CALD1: variants seen among roughly 807,000 people sequenced by gnomAD.
CALD1 encodes the protein caldesmon.
Under a neutral mutation model 99.9 loss-of-function variants are expected in CALD1, and 33 were observed. The observed-to-expected ratio is 0.33, with a 90% CI of 0.25 to 0.44. The LOEUF is 0.44. CALD1 is among the 20% of genes least tolerant of loss of function. The pLI, the probability that CALD1 is intolerant of heterozygous loss-of-function variation, is 1.00. For missense variants in CALD1, 861 were observed against 962.1 expected (o/e 0.89, Z 1.39); for synonymous variants, 310 against 325.0 (o/e 0.95, Z 0.50).
intron 1 of CALD1, among the ~76,000 whole-genome samples, chr7:134,781,876 A>G (rs1225058455): frequency 6.6e-6 from 1 of 152,264 alleles, no homozygotes; most frequent in Non-Finnish European, 1.5e-5. Context: ...ATTTTAAATG[A>G]GATACATGAA....
chr7:134,763,773 C>T (rs1796799318), intron 1 of CALD1, among the ~76,000 whole-genome samples: 1 of 151,966 alleles, frequency 6.6e-6, no homozygotes, highest in South Asian at 2.1e-4. Context: ...CAAAAATTAG[C>T]TGGATGTGGT....
At position 134,950,416 on chromosome 7, in the gene CALD1, G is replaced by T. The variant is rs1807243655; in HGVS notation, c.1837G>T (p.Ala613Ser). Residue 613 changes from alanine (A) to serine (S), a missense_variant, in exon 9 of 15, where the codon GCA becomes TCA. Physicochemically the swap from Ala to Ser is moderately conservative, Grantham distance 99 (BLOSUM62 1). Transcript: ENST00000361675. ...RLKEEIERRRAEAAEKRQKMP... is the reference protein window; with the variant it reads ...RLKEEIERRRSEAAEKRQKMP... ...AAAGGAAGAGATTGAAAGGCGAAGAGCAGAAGCTGCTGAGAAACGCCAGAA... is the reference window on the plus strand; with the variant it reads ...AAAGGAAGAGATTGAAAGGCGAAGATCAGAAGCTGCTGAGAAACGCCAGAA... 6.2e-7 allele frequency: 1 copy of T among 1,614,154 alleles called. No homozygotes were observed. The highest frequency in any genetic ancestry group is 1.7e-5 in the Admixed American group (1 of 60,032).
chr7:134,778,397 A>C (rs3807334), upstream of CALD1, among the ~76,000 whole-genome samples: 5,907 of 152,266 alleles, frequency 0.039, 349 homozygotes, highest in African/African-American at 0.12. Flanking sequence ...ATTTTTAAAG[A>C]CCAGTATCTG....
intron 4 of CALD1, among the ~76,000 whole-genome samples, chr7:134,930,977 TA>T (rs1805480173): frequency 6.6e-6 from 1 of 152,214 alleles, no homozygotes; most frequent in Admixed American, 6.5e-5. Flanking sequence ...ACAGGAGCTT[TA>T]AAAATTACTG....
At chr7:134,874,295 C>T (rs554829803) in intron 3 of CALD1, among the ~76,000 whole-genome samples, 3 of 151,928 alleles carry the variant, frequency 2.0e-5, no homozygotes, top group East Asian at 1.9e-4. Flanking sequence ...CAGGTTCAAG[C>T]GATTCTCCTG....
chr7:134,828,246 G>A (rs1799083083), intron 1 of CALD1, among the ~76,000 whole-genome samples: 1 of 152,188 alleles, frequency 6.6e-6, no homozygotes, highest in Non-Finnish European at 1.5e-5. Flanking sequence ...TTTCTTGAGA[G>A]CATTTTCTCA....
At chr7:134,954,873 T>C (rs1807646277) in intron 9 of CALD1, among the ~76,000 whole-genome samples, 1 of 152,226 alleles carries the variant, frequency 6.6e-6, no homozygotes, top group Non-Finnish European at 1.5e-5. Flanking sequence ...ATGCACTTCC[T>C]TCCTCACTTT....
At chr7:134,899,132 CT>C (rs1716910432) in intron 3 of CALD1, among the ~76,000 whole-genome samples, 1 of 151,910 alleles carries the variant, frequency 6.6e-6, no homozygotes, top group South Asian at 2.1e-4. Flanking sequence ...TTCACTTTTC[CT>C]TTTGTAACTA....
chr7:134,869,262 C>T (rs1307857727), intron 3 of CALD1, among the ~76,000 whole-genome samples: 1 of 152,102 alleles, frequency 6.6e-6, no homozygotes, highest in East Asian at 1.9e-4. Flanking sequence ...AATAAGAATC[C>T]TGGTGCAAGA....
At chr7:134,912,546 C>T (rs1803892750) in intron 3 of CALD1, among the ~76,000 whole-genome samples, 1 of 152,192 alleles carries the variant, frequency 6.6e-6, no homozygotes, top group African/African-American at 2.4e-5. Flanking sequence ...GGTGAGTTTA[C>T]AGCAGAGAGG....
intron 1 of CALD1, among the ~76,000 whole-genome samples, chr7:134,836,011 G>A (rs1381361552): frequency 1.3e-5 from 2 of 151,898 alleles, no homozygotes; most frequent in African/African-American, 4.8e-5. Context: ...TAGGTGTGGC[G>A]GTGGGTGCCT....
intron 3 of CALD1, chr7:134,900,107 A>G (rs948505807): frequency 6.6e-6 from 1 of 151,478 alleles, no homozygotes; most frequent in African/African-American, 2.5e-5. Context: ...AGAGAAGAAA[A>G]TAATTCCCTT....
chr7:134,735,563 CTCTG>C, the CALD1 span, among the ~76,000 whole-genome samples: 1,599 of 138,258 alleles, frequency 0.012, 29 homozygotes, highest in African/African-American at 0.035. Context: ...CCCCACTACC[CTCTG>C]TGTGTGTGTG....
intron 9 of CALD1, 38 bp downstream of exon 9, chr7:134,950,552 T>TA: frequency 6.4e-7 from 1 of 1,558,708 alleles, no homozygotes; most frequent in South Asian, 1.1e-5. Flanking sequence ...TAGAATATGA[T>TA]AGAGACTGGA....
chr7:134,909,169 T>C (rs1803610795), intron 3 of CALD1, among the ~76,000 whole-genome samples: 1 of 152,230 alleles, frequency 6.6e-6, no homozygotes, highest in Non-Finnish European at 1.5e-5. Flanking sequence ...AATTGTGAAA[T>C]TGCTGTAGCA....
upstream of CALD1, among the ~76,000 whole-genome samples, chr7:134,775,080 A>G (rs1796906766): frequency 6.6e-6 from 1 of 152,100 alleles, no homozygotes; most frequent in Admixed American, 6.5e-5. Flanking sequence ...TGTTTTTTAT[A>G]TAACCTAGTT....
chr7:134,766,638 C>A (rs1417085212), intron 1 of CALD1, among the ~76,000 whole-genome samples: 1 of 152,154 alleles, frequency 6.6e-6, no homozygotes, highest in Non-Finnish European at 1.5e-5. Context: ...TTACTTCTGT[C>A]CTGTGAAGTA....
chr7:134,897,606 G>T (rs1007521704), intron 3 of CALD1, among the ~76,000 whole-genome samples: 1 of 152,084 alleles, frequency 6.6e-6, no homozygotes, highest in Non-Finnish European at 1.5e-5. Context: ...CTGCCTTCAG[G>T]GCAGCTTAGG....
At chr7:134,908,605 C>A (rs1197155940) in intron 3 of CALD1, among the ~76,000 whole-genome samples, 3 of 152,110 alleles carry the variant, frequency 2.0e-5, no homozygotes, top group African/African-American at 7.2e-5. Flanking sequence ...TAGATCAGAC[C>A]TCGAGCAGGA....
Sources: gnomAD v4.1 joint callset for allele counts (sites outside exome capture counted in the v4.1 genomes callset) on GRCh38, gnomAD v4.1.1 for gene constraint, MANE v1.5 for transcripts, NCBI Gene and HGNC (gene_info 2026-07-23, HGNC 2026-07-21) for gene names.